The following AKAP12 variants were observed in gnomAD, a reference collection of about 807,000 sequenced individuals.
AKAP12 encodes the protein A-kinase anchor protein 12.
In AKAP12, 32 loss-of-function variants were observed where a neutral mutation model predicts 79.9. The ratio of observed to expected loss-of-function variants is 0.40; its 90% CI spans 0.30 to 0.54. The LOEUF (loss-of-function observed/expected upper bound fraction) is 0.54, where lower values mean the gene tolerates loss of function less well. Ranked by LOEUF, AKAP12 falls within the 20% of genes least tolerant of loss-of-function variation. The probability of loss-of-function intolerance (pLI) is 0.48; values close to 1 mark genes in which losing one functional copy is unlikely to be tolerated. For missense variants in AKAP12, 2,074 were observed against 2,177.0 expected, an observed-to-expected ratio of 0.95 and a Z score of 0.94; for synonymous variants, 808 against 857.0, an observed-to-expected ratio of 0.94 and a Z score of 1.00.
chr6:151,321,284 G>T (rs1468581506), intron 3 of AKAP12, among the ~76,000 whole-genome samples: 2 of 152,096 alleles, frequency 1.3e-5, no homozygotes, highest in Non-Finnish European at 2.9e-5. Context: ...ACCACACCTG[G>T]CCAGGACATT....
chr6:151,264,071 G>A (rs1453364479), intron 2 of AKAP12, among the ~76,000 whole-genome samples: 1 of 152,068 alleles, frequency 6.6e-6, no homozygotes, highest in African/African-American at 2.4e-5. Context: ...GCAGGTGGAG[G>A]GGGCACTGTT....
intron 3 of AKAP12, among the ~76,000 whole-genome samples, chr6:151,311,129 G>C (rs1777090775): frequency 1.3e-5 from 2 of 152,172 alleles, no homozygotes; most frequent in African/African-American, 4.8e-5. Context: ...CACTGCGCCA[G>C]ATAGTTCTTT....
intron 3 of AKAP12, among the ~76,000 whole-genome samples, chr6:151,345,534 C>T (rs897611851): frequency 3.3e-5 from 5 of 151,390 alleles, no homozygotes; most frequent in African/African-American, 1.2e-4. Flanking sequence ...GTGGCTCACA[C>T]CTGTAATCCC....
intron 2 of AKAP12, among the ~76,000 whole-genome samples, chr6:151,276,768 C>T (rs745495972): frequency 1.3e-5 from 2 of 152,206 alleles, no homozygotes; most frequent in Non-Finnish European, 2.9e-5. Flanking sequence ...ACTGATTGTG[C>T]TTTATCACGA....
intron 3 of AKAP12, among the ~76,000 whole-genome samples, chr6:151,338,542 G>A (rs545126947): frequency 1.0e-4 from 15 of 150,690 alleles, no homozygotes; most frequent in Non-Finnish European, 1.8e-4. Context: ...TGCAACCTCC[G>A]CCTCCCGGGT....
chr6:151,253,909 A>G (rs2114688410), intron 2 of AKAP12, among the ~76,000 whole-genome samples: 1 of 151,526 alleles, frequency 6.6e-6, no homozygotes, highest in Admixed American at 6.6e-5. Flanking sequence ...GGGTTTTACC[A>G]TGTTGGCCTG....
intron 2 of AKAP12, among the ~76,000 whole-genome samples, chr6:151,276,800 T>G (rs1776298242): frequency 6.6e-6 from 1 of 152,250 alleles, no homozygotes; most frequent in African/African-American, 2.4e-5. Flanking sequence ...TATGAATGCT[T>G]TAGATCACCC....
rs934752723 is a variant in AKAP12, at chr6:151,352,366, C to T, written c.3975C>T (p.His1325=). 5 of 1,614,168 alleles carry T rather than the reference C, an allele frequency of 3.1e-6. No individual in the cohort carries two copies. Among genetic ancestry groups the T allele is most frequent in the Non-Finnish European group, 4.2e-6 (5 of 1,180,040 alleles). ...KKDDALELQS[H]AKSPPSPVER... ...ATGATGCTCTTGAACTGCAGAGTCACGCTAAGTCTCCTCCATCCCCCGTGG... is the reference window on the plus strand; with the variant it reads ...ATGATGCTCTTGAACTGCAGAGTCATGCTAAGTCTCCTCCATCCCCCGTGG... Residue 1325 remains histidine (H), a synonymous_variant, in exon 4 of 5, where the codon CAC becomes CAT. Coordinates refer to ENST00000402676, the MANE Select transcript of AKAP12 (RefSeq NM_005100.4).
At chr6:151,321,809 G>A (rs1386724527) in intron 3 of AKAP12, among the ~76,000 whole-genome samples, 1 of 151,468 alleles carries the variant, frequency 6.6e-6, no homozygotes, top group Admixed American at 6.6e-5. Context: ...ATAGCGATGT[G>A]TGAGGGTTCC....
intron 2 of AKAP12, among the ~76,000 whole-genome samples, chr6:151,252,091 A>G (rs1797189024): frequency 6.6e-6 from 1 of 152,166 alleles, no homozygotes; most frequent in South Asian, 2.1e-4. Flanking sequence ...AACTCAAAGC[A>G]TTTCTCTAAT....
At chr6:151,294,119 G>A (rs1396939960) in intron 2 of AKAP12, among the ~76,000 whole-genome samples, 6 of 151,938 alleles carry the variant, frequency 3.9e-5, no homozygotes, top group East Asian at 1.9e-4. Context: ...GACTACAGGC[G>A]AGTGCCACCA....
chr6:151,306,199 TG>T (rs1456520137), intron 3 of AKAP12, among the ~76,000 whole-genome samples: 1 of 152,246 alleles, frequency 6.6e-6, no homozygotes, highest in Non-Finnish European at 1.5e-5. Flanking sequence ...AAGTCATGGT[TG>T]CTTTAAAAGA....
chr6:151,289,390 T>C (rs1173935909), intron 2 of AKAP12, among the ~76,000 whole-genome samples: 1 of 152,176 alleles, frequency 6.6e-6, no homozygotes, highest in Non-Finnish European at 1.5e-5. Context: ...GGTTATGTAG[T>C]AGTGAATATT....
chr6:151,327,086 A>G (rs1175048423), intron 3 of AKAP12, among the ~76,000 whole-genome samples: 2 of 149,430 alleles, frequency 1.3e-5, no homozygotes, highest in Non-Finnish European at 3.0e-5. Context: ...AAGTGCTAGG[A>G]TTATAGACGT....
chr6:151,350,367 G>A lies in AKAP12; in HGVS notation c.1976G>A (p.Gly659Glu), dbSNP rs371852487. 1.2e-6 allele frequency: 2 copies of A among 1,613,626 alleles called. No homozygotes were observed. The highest frequency in any genetic ancestry group is 2.2e-5 in the East Asian group (1 of 44,868). ...TCTGAAATGCAAGAAGAAATGAAAG[G>A]GAGCGTGGAAGAGCCAAAGCCGGAA... ...TASEMQEEMK[G>E]SVEEPKPEEP... is the part of the protein sequence containing the mutation. The change falls in exon 4 of 5, where the codon GGG (glycine) becomes GAG (glutamate). Residue 659 changes from glycine to glutamate, a missense_variant. By Grantham distance (98) the Gly-to-Glu change is moderately conservative. Transcript: ENST00000402676. This position sits in a 1 kb window ranked among gnomAD's most constrained non-coding sequence, Gnocchi z 4.8.
intron 2 of AKAP12, among the ~76,000 whole-genome samples, chr6:151,274,548 A>G (rs377595885): frequency 5.3e-5 from 8 of 152,326 alleles, no homozygotes; most frequent in East Asian, 1.9e-4. Flanking sequence ...AAATCATGCA[A>G]AAAAGTTCTG....
intron 3 of AKAP12, among the ~76,000 whole-genome samples, chr6:151,323,191 T>C (rs1003002279): frequency 3.3e-5 from 5 of 152,234 alleles, no homozygotes. Flanking sequence ...ACCCATTGGC[T>C]GAGAGAGTCT....
chr6:151,317,346 T>G (rs1777260065), intron 3 of AKAP12, among the ~76,000 whole-genome samples: 2 of 152,206 alleles, frequency 1.3e-5, no homozygotes, highest in Non-Finnish European at 2.9e-5. Context: ...TAAACTCACC[T>G]CCTTTTTCCA....
chr6:151,316,252 T>G (rs936743030), intron 3 of AKAP12, among the ~76,000 whole-genome samples: 7 of 152,218 alleles, frequency 4.6e-5, no homozygotes, highest in Admixed American at 6.5e-5. Context: ...CGACCTCTAG[T>G]GTTAACCAGT....
Sources: gnomAD v4.1 joint callset for allele counts (sites outside exome capture counted in the v4.1 genomes callset) on GRCh38, gnomAD v4.1.1 for gene constraint, Gnocchi (gnomAD v3.1) non-coding constraint, MANE v1.5 for transcripts, NCBI Gene and HGNC (gene_info 2026-07-23, HGNC 2026-07-21) for gene names.